Variants in CASQ2 observed in about 807,000 individuals in gnomAD.
The protein encoded by CASQ2 is calsequestrin 2.
A neutral mutation model predicts 46.5 loss-of-function variants in CASQ2; 49 were observed. The observed-to-expected ratio is 1.05, with a 90% CI of 0.84 to 1.34. The LOEUF is 1.34. Among genes scored for constraint, CASQ2 ranks in the 40% most tolerant of loss-of-function variants. The probability of loss-of-function intolerance (pLI) is 0.00; values close to 1 mark genes in which losing one functional copy is unlikely to be tolerated. For synonymous variants in CASQ2, 174 were observed against 168.5 expected (o/e 1.03, Z -0.25); for missense variants, 486 against 481.3 (o/e 1.01, Z -0.09).
intron 1 of CASQ2, among the ~76,000 whole-genome samples, chr1:115,760,555 C>T (rs1329996798): frequency 6.6e-6 from 1 of 152,224 alleles, no homozygotes; most frequent in Non-Finnish European, 1.5e-5. Flanking sequence ...CTGAGCTGCT[C>T]TCAGCCTTGG....
chr1:115,738,083 G>A (rs1244737125), intron 4 of CASQ2, 141 bp downstream of exon 4: 2 of 731,642 alleles, frequency 2.7e-6, no homozygotes, highest in East Asian at 2.6e-5. Context: ...ACTCCACTGT[G>A]TTAGGCTCAG....
chr1:115,739,163 G>C (rs1372502731), intron 3 of CASQ2, among the ~76,000 whole-genome samples: 1 of 119,754 alleles, frequency 8.4e-6, no homozygotes, highest in Non-Finnish European at 1.8e-5. Flanking sequence ...CCAGGCTGGA[G>C]TGCAGTGGCA....
chr1:115,760,559 G>A (rs2101120147), intron 1 of CASQ2, among the ~76,000 whole-genome samples: 1 of 152,296 alleles, frequency 6.6e-6, no homozygotes, highest in East Asian at 1.9e-4. Context: ...GCTGCTCTCA[G>A]CCTTGGGGTC....
At chr1:115,768,225 T>C in intron 1 of CASQ2, 83 bp downstream of exon 1, 2 of 887,522 alleles carry the variant, frequency 2.3e-6, no homozygotes, top group Admixed American at 1.7e-5. Flanking sequence ...GCATCCTCGT[T>C]CCCATATCCC....
chr1:115,719,820 C>T (rs770178692), intron 7 of CASQ2, among the ~76,000 whole-genome samples: 6 of 152,136 alleles, frequency 3.9e-5, no homozygotes, highest in Admixed American at 2.6e-4. Flanking sequence ...ACAGCCTTTG[C>T]TACCCAGATC....
chr1:115,726,006 A>C (rs1647575388), intron 6 of CASQ2, among the ~76,000 whole-genome samples: 1 of 152,212 alleles, frequency 6.6e-6, no homozygotes, highest in African/African-American at 2.4e-5. Context: ...AAAGTCCTTT[A>C]GGGATATTTA....
chr1:115,750,896 C>CTGTAGGTATGGATCGCACCTACAGGA (rs1553196362), intron 1 of CASQ2, among the ~76,000 whole-genome samples: 7 of 150,982 alleles, frequency 4.6e-5, no homozygotes, highest in Non-Finnish European at 1.0e-4. Flanking sequence ...AGATTGTATC[C>CTGTAGGTATGGATCGCACCTACAGGA]TGTAGGTATG....
chr1:115,758,908 A>G (rs1648847757), intron 1 of CASQ2, among the ~76,000 whole-genome samples: 1 of 152,240 alleles, frequency 6.6e-6, no homozygotes, highest in Non-Finnish European at 1.5e-5. Context: ...AGTCTTAGGT[A>G]TTCTTTTATA....
At chr1:115,736,407 C>T (rs1216489334) in intron 4 of CASQ2, among the ~76,000 whole-genome samples, 2 of 151,920 alleles carry the variant, frequency 1.3e-5, no homozygotes, top group African/African-American at 4.8e-5. Context: ...GAGGCTGAGG[C>T]GGGTGGATCA....
chr1:115,730,169 A>G (rs1477576732), intron 5 of CASQ2, among the ~76,000 whole-genome samples: 1 of 152,188 alleles, frequency 6.6e-6, no homozygotes. Flanking sequence ...AGACACTGCC[A>G]CAACCCTAAA....
At chr1:115,744,758 A>G (rs897411425) in intron 2 of CASQ2, 70 bp downstream of exon 2, 1 of 977,922 alleles carries the variant, frequency 1.0e-6, no homozygotes, top group Non-Finnish European at 1.7e-6. Flanking sequence ...AATAATTGCA[A>G]CTGTACTTTT....
chr1:115,748,217 T>A (rs1184418695), intron 1 of CASQ2, among the ~76,000 whole-genome samples: 2 of 152,222 alleles, frequency 1.3e-5, no homozygotes, highest in Non-Finnish European at 2.9e-5. Context: ...CTATGTTTGT[T>A]TCTTTGATAT....
chr1:115,735,414 G>T (rs1043958374), intron 4 of CASQ2, among the ~76,000 whole-genome samples: 1 of 152,146 alleles, frequency 6.6e-6, no homozygotes, highest in Non-Finnish European at 1.5e-5. Context: ...AATATTTTGA[G>T]GGATCATTAT....
chr1:115,757,796 T>C (rs535556936), intron 1 of CASQ2, among the ~76,000 whole-genome samples: 82 of 152,326 alleles, frequency 5.4e-4, no homozygotes, highest in African/African-American at 1.7e-3. Context: ...AGATTCAACC[T>C]CTTTACAATT....
chr1:115,738,630 G>A (rs1182171091), intron 3 of CASQ2, among the ~76,000 whole-genome samples: 1 of 152,154 alleles, frequency 6.6e-6, no homozygotes. Flanking sequence ...TTTATTGGAT[G>A]TAAAGTGTTG....
Position 115,744,956 on chromosome 1 carries a change from A to T in CASQ2, c.235-44T>A, listed in dbSNP as rs763233150. The T allele has an allele frequency of 2.3e-4, 300 of 1,325,516 alleles. No homozygotes were observed. In the South Asian group the frequency reaches 2.9e-3, roughly 13 times the overall value. 82.1% of individuals were successfully genotyped at this position (1,325,516 alleles called of 1,614,324 possible). On this transcript the variant is annotated intron_variant, in intron 1 of 10. Transcript: ENST00000261448. ...AGATGAGTGTGCTAAGGGCAGAAAG[A>T]TGGTAGAAAATATTACAGGATTACT...
At chr1:115,758,802 C>A (rs1319700803) in intron 1 of CASQ2, among the ~76,000 whole-genome samples, 1 of 152,202 alleles carries the variant, frequency 6.6e-6, no homozygotes, top group Admixed American at 6.5e-5. Flanking sequence ...GTGGAAGCAG[C>A]CTGTGGCCCT....
chr1:115,743,436 G>A (rs1213110877), intron 2 of CASQ2, among the ~76,000 whole-genome samples: 2 of 152,020 alleles, frequency 1.3e-5, no homozygotes, highest in Non-Finnish European at 2.9e-5. Flanking sequence ...TAGAGATGAG[G>A]TTTTTCTATG....
chr1:115,745,170 T>C (rs1648344022), intron 1 of CASQ2, among the ~76,000 whole-genome samples: 1 of 152,070 alleles, frequency 6.6e-6, no homozygotes, highest in Admixed American at 6.6e-5. Flanking sequence ...ATATCCACTG[T>C]CACATACCAG....
Sources: gnomAD v4.1 joint callset for allele counts (sites outside exome capture counted in the v4.1 genomes callset) on GRCh38, gnomAD v4.1.1 for gene constraint, MANE v1.5 for transcripts, NCBI Gene and HGNC (gene_info 2026-07-23, HGNC 2026-07-21) for gene names.